The following PLD1 variants were observed in gnomAD, a reference collection of about 807,000 sequenced individuals.
The protein encoded by PLD1 is phospholipase D1, also known as choline phosphatase 1.
A neutral mutation model predicts 137.1 loss-of-function variants in PLD1; 112 were observed. The observed-to-expected ratio is 0.82, with a 90% CI of 0.70 to 0.96. The LOEUF is 0.96. Ranked by LOEUF, PLD1 falls within the 40% of genes least tolerant of loss-of-function variation. PLD1 has a pLI of 0.00. For synonymous variants in PLD1, 431 were observed against 454.7 expected (o/e 0.95, Z 0.66); for missense variants, 1,321 against 1,342.0 (o/e 0.98, Z 0.24).
intron 1 of PLD1, among the ~76,000 whole-genome samples, chr3:171,806,607 C>T (rs148270805): frequency 1.2e-4 from 18 of 152,360 alleles, no homozygotes; most frequent in African/African-American, 4.1e-4. Flanking sequence ...ATGACTCAGC[C>T]TAACTACAAG....
At chr3:171,771,450 T>C (rs1176786662) in intron 1 of PLD1, 1 of 152,226 alleles carries the variant, frequency 6.6e-6, no homozygotes, top group African/African-American at 2.4e-5. Context: ...ACTCCCCATA[T>C]GTTAAAGAGA....
chr3:171,609,201 C>T (rs1732443721), intron 25 of PLD1, among the ~76,000 whole-genome samples: 1 of 151,902 alleles, frequency 6.6e-6, no homozygotes, highest in South Asian at 2.1e-4. Flanking sequence ...CATTTCACAC[C>T]AATCAGAATG....
intron 22 of PLD1, among the ~76,000 whole-genome samples, chr3:171,643,823 A>G (rs1735977121): frequency 6.6e-6 from 1 of 152,204 alleles, no homozygotes; most frequent in African/African-American, 2.4e-5. Context: ...GCACAGTTAA[A>G]GCTCTCTTGT....
chr3:171,677,820 C>A, intron 16 of PLD1, 126 bp from the exon 17 acceptor site: 2 of 893,328 alleles, frequency 2.2e-6, no homozygotes, highest in South Asian at 3.5e-5. Context: ...AGGGTGGCAT[C>A]TGTCCATTCT....
At position 171,778,730 on chromosome 3, in the gene PLD1, G is replaced by A. The variant is rs372066075; in HGVS notation, c.-32+31669C>T. Among the ~76,000 whole-genome samples the A allele has an allele frequency of 4.5e-3, 679 of 152,384 alleles. 1 individual carries two copies. The highest frequency in any genetic ancestry group is 0.016 in the African/African-American group (649 of 41,596). On this transcript the variant is annotated intron_variant, in intron 1 of 26. Transcript: ENST00000351298. ...GTGAAAGAAAGGGCAACAGTAGAGGGTGTAGTGAGAGAAGAAACTAGGGAG... is the reference window on the plus strand; with the variant it reads ...GTGAAAGAAAGGGCAACAGTAGAGGATGTAGTGAGAGAAGAAACTAGGGAG...
At chr3:171,792,902 A>G in intron 1 of PLD1, 1 of 328,414 alleles carries the variant, frequency 3.0e-6, no homozygotes, top group Non-Finnish European at 6.0e-6. Context: ...ACGGTCATCA[A>G]CAAGGAAGCC....
intron 1 of PLD1, among the ~76,000 whole-genome samples, chr3:171,764,271 G>A (rs567399198): frequency 6.6e-6 from 1 of 152,246 alleles, no homozygotes; most frequent in African/African-American, 2.4e-5. Flanking sequence ...ACTGCGCCTG[G>A]TCTACAGTTT....
At chr3:171,746,861 A>C (rs6445025) in intron 1 of PLD1, among the ~76,000 whole-genome samples, 57,617 of 152,166 alleles carry the variant, frequency 0.38, 12,419 homozygotes, top group African/African-American at 0.58. Flanking sequence ...ACTGGCAACC[A>C]GCTGGGGCCC....
chr3:171,645,465 T>C (rs1465868309), intron 21 of PLD1, among the ~76,000 whole-genome samples: 4 of 152,152 alleles, frequency 2.6e-5, no homozygotes, highest in Non-Finnish European at 4.4e-5. Context: ...TCAGTTCTCA[T>C]AGCCTAGATC....
intron 1 of PLD1, among the ~76,000 whole-genome samples, chr3:171,786,919 T>A (rs191041184): frequency 2.0e-5 from 3 of 152,350 alleles, no homozygotes; most frequent in Non-Finnish European, 4.4e-5. Context: ...TGATGCCTCA[T>A]GCTAACTAAC....
intron 19 of PLD1, among the ~76,000 whole-genome samples, chr3:171,662,633 T>C (rs1170218761): frequency 6.6e-6 from 1 of 152,188 alleles, no homozygotes; most frequent in African/African-American, 2.4e-5. Flanking sequence ...GGGTACTGGT[T>C]TGGACCATAT....
chr3:171,615,270 A>G (rs1733004989), intron 24 of PLD1, among the ~76,000 whole-genome samples: 1 of 152,206 alleles, frequency 6.6e-6, no homozygotes, highest in African/African-American at 2.4e-5. Flanking sequence ...GAAGAGAGAG[A>G]AGAAAATAAG....
chr3:171,695,830 A>G (rs1237113498), intron 12 of PLD1, among the ~76,000 whole-genome samples: 2 of 142,440 alleles, frequency 1.4e-5, no homozygotes, highest in African/African-American at 2.6e-5. Flanking sequence ...GTAAAGATGT[A>G]AAGTAAAGGA....
intron 24 of PLD1, among the ~76,000 whole-genome samples, chr3:171,617,536 T>G (rs1317004496): frequency 6.6e-6 from 1 of 150,916 alleles, no homozygotes; most frequent in Non-Finnish European, 1.5e-5. Flanking sequence ...TTAGTGAACA[T>G]TAAAAACAAC....
At chr3:171,718,519 AG>A (rs1717846299) in intron 8 of PLD1, among the ~76,000 whole-genome samples, 1 of 152,226 alleles carries the variant, frequency 6.6e-6, no homozygotes, top group Admixed American at 6.5e-5. Context: ...CACAACAAAA[AG>A]AGGAGACTTC....
rs185981942 is a variant in PLD1, at chr3:171,647,716, C to T, written c.2430-2693G>A. On this transcript the variant is annotated intron_variant, in intron 21 of 26. Coordinates refer to ENST00000351298, the MANE Select transcript of PLD1 (RefSeq NM_002662.5). ...CGCCTCGGCCTCCCAAAGTGCTGGG[C>T]TTACAGGAGTGAGCCACCGCGCCCA... 3.9e-3 allele frequency among the ~76,000 whole-genome samples: 597 copies of T among 152,162 alleles called. 5 individuals carry two copies. The highest frequency in any genetic ancestry group is 0.014 in the African/African-American group (563 of 41,512).
chr3:171,705,755 G>A (rs1291261338), intron 11 of PLD1, among the ~76,000 whole-genome samples: 1 of 152,168 alleles, frequency 6.6e-6, no homozygotes, highest in African/African-American at 2.4e-5. Flanking sequence ...TGGTGAAAAT[G>A]TAAAATGGTA....
At chr3:171,748,014 C>T (rs562642057) in intron 1 of PLD1, among the ~76,000 whole-genome samples, 1 of 152,182 alleles carries the variant, frequency 6.6e-6, no homozygotes, top group African/African-American at 2.4e-5. Context: ...ATTTTAAAAA[C>T]TCCTCTCTCA....
intron 24 of PLD1, among the ~76,000 whole-genome samples, chr3:171,613,805 G>A (rs1016820442): frequency 6.6e-6 from 1 of 152,060 alleles, no homozygotes; most frequent in Admixed American, 6.6e-5. Context: ...TGTGTATTCA[G>A]GAACCTCATC....
Sources: allele counts gnomAD v4.1 joint callset (sites outside exome capture counted in the v4.1 genomes callset), GRCh38; gene constraint gnomAD v4.1.1; transcripts MANE v1.5; gene names NCBI Gene and HGNC (gene_info 2026-07-23, HGNC 2026-07-21).